The following LRRC8D variants were observed in gnomAD, a reference collection of about 807,000 sequenced individuals.
The protein encoded by LRRC8D is leucine rich repeat containing 8 VRAC subunit D, also known as volume-regulated anion channel subunit LRRC8D.
Under a neutral mutation model 55.8 loss-of-function variants are expected in LRRC8D, and 20 were observed. That is an observed-to-expected ratio of 0.36 (90% CI 0.25 to 0.52). LRRC8D has a LOEUF of 0.52. LRRC8D is among the 20% of genes least tolerant of loss of function. The probability of loss-of-function intolerance (pLI) is 0.93; values close to 1 mark genes in which losing one functional copy is unlikely to be tolerated. For missense variants in LRRC8D, 651 were observed against 1,030.8 expected, an observed-to-expected ratio of 0.63 and a Z score of 5.05; for synonymous variants, 352 against 377.0, an observed-to-expected ratio of 0.93 and a Z score of 0.77.
intron 2 of LRRC8D, among the ~76,000 whole-genome samples, chr1:89,870,110 A>G (rs191960591): frequency 3.3e-4 from 50 of 152,078 alleles, no homozygotes; most frequent in Middle Eastern, 3.4e-3. Context: ...TCCGTCTCAA[A>G]AAAAAGAAAA....
intron 2 of LRRC8D, among the ~76,000 whole-genome samples, chr1:89,907,188 T>C (rs1189488845): frequency 3.0e-5 from 4 of 133,586 alleles, no homozygotes; most frequent in African/African-American, 1.1e-4. Flanking sequence ...TGTGTCTTTT[T>C]TTTTTTTTTT....
chr1:89,923,913 T>C lies in LRRC8D; in HGVS notation c.-2-9154T>C, dbSNP rs113910357. On this transcript the variant is annotated intron_variant, in intron 2 of 2. Coordinates refer to ENST00000337338, the MANE Select transcript of LRRC8D (RefSeq NM_001134479.2). ...GAAACTGGACCCCGTCCTTTCACCATATACAAAAACTAACTCACGATGGAT... is the reference window on the plus strand; with the variant it reads ...GAAACTGGACCCCGTCCTTTCACCACATACAAAAACTAACTCACGATGGAT... 2.6e-3 allele frequency among the ~76,000 whole-genome samples: 399 copies of C among 152,352 alleles called. 3 individuals carry two copies. The highest frequency in any genetic ancestry group is 8.5e-3 in the African/African-American group (353 of 41,582).
chr1:89,856,738 A>G (rs767839673), intron 2 of LRRC8D, among the ~76,000 whole-genome samples: 1 of 152,068 alleles, frequency 6.6e-6, no homozygotes, highest in Non-Finnish European at 1.5e-5. Flanking sequence ...TTCTTTATCT[A>G]CTCTGACAAT....
chr1:89,831,551 C>T (rs1660887227), intron 1 of LRRC8D, among the ~76,000 whole-genome samples: 2 of 151,906 alleles, frequency 1.3e-5, no homozygotes, highest in South Asian at 4.2e-4. Context: ...AAGATTTGTT[C>T]ATATCTTAAA....
intron 2 of LRRC8D, among the ~76,000 whole-genome samples, chr1:89,883,021 G>A (rs1229303519): frequency 9.2e-5 from 14 of 152,170 alleles, no homozygotes; most frequent in Admixed American, 9.2e-4. Flanking sequence ...TTAGCAGGTA[G>A]TAGAGTTTTT....
intron 2 of LRRC8D, among the ~76,000 whole-genome samples, chr1:89,904,694 G>T (rs1196862746): frequency 3.3e-5 from 5 of 152,200 alleles, no homozygotes; most frequent in Admixed American, 2.6e-4. Flanking sequence ...CCAGAGTCAT[G>T]ACTTAGTAGA....
chr1:89,875,355 A>G (rs561841657), intron 2 of LRRC8D, among the ~76,000 whole-genome samples: 1 of 152,164 alleles, frequency 6.6e-6, no homozygotes, highest in African/African-American at 2.4e-5. Context: ...TCACTCATTC[A>G]TTTATTTTAT....
At chr1:89,931,429 T>C (rs1056709047) in intron 2 of LRRC8D, among the ~76,000 whole-genome samples, 1 of 152,082 alleles carries the variant, frequency 6.6e-6, no homozygotes, top group Non-Finnish European at 1.5e-5. Flanking sequence ...CTCAGAATCC[T>C]CCTCAACACA....
At chr1:89,915,611 T>A (rs963157218) in intron 2 of LRRC8D, among the ~76,000 whole-genome samples, 1 of 152,198 alleles carries the variant, frequency 6.6e-6, no homozygotes, top group African/African-American at 2.4e-5. Flanking sequence ...TGGGCAGGGC[T>A]GGAGACCCTT....
intron 2 of LRRC8D, among the ~76,000 whole-genome samples, chr1:89,872,437 A>G (rs181546942): frequency 4.6e-5 from 7 of 152,318 alleles, no homozygotes; most frequent in East Asian, 1.9e-4. Flanking sequence ...GGATCTTTCA[A>G]TGGCAGTGAC....
chr1:89,906,864 T>C (rs1335618110), intron 2 of LRRC8D, among the ~76,000 whole-genome samples: 1 of 151,914 alleles, frequency 6.6e-6, no homozygotes, highest in South Asian at 2.1e-4. Context: ...CCAGGCTGCA[T>C]ATAGTTTGCT....
chr1:89,858,714 A>G (rs1018465062), intron 2 of LRRC8D, among the ~76,000 whole-genome samples: 1 of 152,076 alleles, frequency 6.6e-6, no homozygotes, highest in African/African-American at 2.4e-5. Context: ...ATCAAAGTGA[A>G]CAAATGACAA....
At chr1:89,900,378 A>G (rs940461187) in intron 2 of LRRC8D, among the ~76,000 whole-genome samples, 8 of 150,592 alleles carry the variant, frequency 5.3e-5, no homozygotes, top group Non-Finnish European at 2.9e-5. Context: ...TTCAGAAGGT[A>G]AAGGTGGTGA....
chr1:89,913,401 G>A (rs1557481138), intron 2 of LRRC8D, among the ~76,000 whole-genome samples: 1 of 152,292 alleles, frequency 6.6e-6, no homozygotes, highest in East Asian at 1.9e-4. Flanking sequence ...GGAAATGAGT[G>A]ATTAAAAAAC....
At chr1:89,869,512 G>T (rs1661941704) in intron 2 of LRRC8D, among the ~76,000 whole-genome samples, 3 of 152,128 alleles carry the variant, frequency 2.0e-5, no homozygotes, top group Admixed American at 2.0e-4. Context: ...TGGGGAGAAT[G>T]GAACCAAGTT....
Position 89,843,830 on chromosome 1 carries a change from G to C in LRRC8D, c.-3+48G>C, listed in dbSNP as rs1018342615. ...CCAGGGAGCGGGTCGGGAAGTCTGCGGCACGGAGCACTGCTAGTGTCGGAT... is the reference window on the plus strand; with the variant it reads ...CCAGGGAGCGGGTCGGGAAGTCTGCCGCACGGAGCACTGCTAGTGTCGGAT... On this transcript the variant is annotated intron_variant, in intron 2 of 2. Transcript: ENST00000337338. The C allele has an allele frequency of 9.6e-6, 6 of 622,986 alleles. No individual in the cohort carries two copies. The African/African-American group carries it at 1.1e-4, about 11-fold the overall frequency. 38.6% of individuals were successfully genotyped at this position (622,986 alleles called of 1,614,324 possible).
chr1:89,893,005 A>G (rs1395691949), intron 2 of LRRC8D, among the ~76,000 whole-genome samples: 1 of 152,232 alleles, frequency 6.6e-6, no homozygotes, highest in Non-Finnish European at 1.5e-5. Flanking sequence ...TAATCTATAA[A>G]CATCTATATG....
intron 1 of LRRC8D, among the ~76,000 whole-genome samples, chr1:89,823,131 A>G (rs1158620461): frequency 6.6e-6 from 1 of 152,164 alleles, no homozygotes; most frequent in Non-Finnish European, 1.5e-5. Flanking sequence ...TTGAGAGTGT[A>G]TGTGTGCGTG....
In LRRC8D at chr1:89,870,877, C is replaced by A. The variant is rs1445527786; in HGVS notation, c.-3+27095C>A. On this transcript the variant is annotated intron_variant, in intron 2 of 2. Coordinates refer to ENST00000337338, the MANE Select transcript of LRRC8D (RefSeq NM_001134479.2). ...TTTGTTCAATTTGGTAGTTTTTAAGCTAACTAATAGCATTGTGGGCATTTT... is the reference window on the plus strand; with the variant it reads ...TTTGTTCAATTTGGTAGTTTTTAAGATAACTAATAGCATTGTGGGCATTTT... 5.9e-5 allele frequency among the ~76,000 whole-genome samples: 9 copies of A among 152,272 alleles called. No homozygotes were observed. In the South Asian group the frequency reaches 1.0e-3, roughly 18 times the overall value.
Sources: gnomAD v4.1 joint callset for allele counts (sites outside exome capture counted in the v4.1 genomes callset) on GRCh38, gnomAD v4.1.1 for gene constraint, MANE v1.5 for transcripts, NCBI Gene and HGNC (gene_info 2026-07-23, HGNC 2026-07-21) for gene names.